C20orf96: variants seen among roughly 807,000 people sequenced by gnomAD.
C20orf96 encodes uncharacterized protein C20orf96.
In C20orf96, 57 loss-of-function variants were observed where a neutral mutation model predicts 52.6. The ratio of observed to expected loss-of-function variants is 1.08; its 90% CI spans 0.88 to 1.35. C20orf96 has a LOEUF of 1.35. C20orf96 is among the 40% of genes most tolerant of loss of function. The probability of loss-of-function intolerance (pLI) is 0.00; values close to 1 mark genes in which losing one functional copy is unlikely to be tolerated. For synonymous variants in C20orf96, 168 were observed against 157.2 expected, an observed-to-expected ratio of 1.07 and a Z score of -0.51; for missense variants, 478 against 443.6, an observed-to-expected ratio of 1.08 and a Z score of -0.70.
chr20:274,955 A>G (rs1276938278), intron 10 of C20orf96, among the ~76,000 whole-genome samples: 6 of 152,092 alleles, frequency 3.9e-5, no homozygotes, highest in Admixed American at 1.3e-4. Flanking sequence ...AGTAGCTGGG[A>G]TTACAGGCAC....
chr20:288,784 A>G (rs2012463050), intron 3 of C20orf96, among the ~76,000 whole-genome samples: 1 of 152,226 alleles, frequency 6.6e-6, no homozygotes, highest in African/African-American at 2.4e-5. Flanking sequence ...AGATGTATAC[A>G]TAAGTATGCT....
chr20:289,196 A>ACCC (rs3051821), intron 3 of C20orf96, among the ~76,000 whole-genome samples: 4,503 of 148,030 alleles, frequency 0.03, 230 homozygotes, highest in African/African-American at 0.11. Flanking sequence ...TCAAATCTGG[A>ACCC]CCCCCCCCAA....
At chr20:281,566 C>T (rs1321494437) in intron 4 of C20orf96, among the ~76,000 whole-genome samples, 1 of 152,236 alleles carries the variant, frequency 6.6e-6, no homozygotes, top group Admixed American at 6.5e-5. Flanking sequence ...AGTAATCATG[C>T]TGATGTGCTG....
chr20:275,864 C>G, intron 10 of C20orf96, 104 bp downstream of exon 10: 1 of 1,084,184 alleles, frequency 9.2e-7, no homozygotes, highest in Non-Finnish European at 1.4e-6. Flanking sequence ...CCTCCCTGTA[C>G]AGGGTTCTGC....
At position 279,213 on chromosome 20, in the gene C20orf96, G is replaced by T; in HGVS notation, c.424C>A (p.Leu142Met). The T allele has an allele frequency of 6.2e-7, 1 of 1,609,194 alleles. No homozygotes were observed. The highest frequency in any genetic ancestry group is 8.5e-7 in the Non-Finnish European group (1 of 1,178,798). Reference protein sequence around the residue: ...TIQEMENSTTLHVRALLQQQD... With the variant: ...TIQEMENSTTMHVRALLQQQD... ...TGCTGCAGCAGGGCCCGCACGTGCA[G>T]GGTCGTGCTGTTCTCCATCTCCTGG... The change falls in exon 5 of 11, where the codon CTG becomes ATG. Residue 142 changes from leucine (L) to methionine (M), a missense_variant. By Grantham distance (15) the Leu-to-Met change is conservative (BLOSUM62 2). Transcript: ENST00000360321.
chr20:278,516 T>C, intron 5 of C20orf96, 87 bp from the exon 6 acceptor site: 1 of 904,838 alleles, frequency 1.1e-6, no homozygotes, highest in Non-Finnish European at 1.9e-6. Flanking sequence ...GAGTCCCCAG[T>C]CCCAACCTCA....
At position 277,157 on chromosome 20, in the gene C20orf96, C is replaced by A; in HGVS notation, c.724-12G>T. The stretch of plus-strand genomic sequence containing the variant: ...TCATCCAGCTCATCCTGGGAGCCAG[C>A]AGAAGGGTGTTGGTCACCAGTCCTG... On this transcript the variant is annotated splice_polypyrimidine_tract_variant and intron_variant, in intron 7 of 10. Transcript: ENST00000360321. 6.2e-7 allele frequency: 1 copy of A among 1,613,728 alleles called. No individual in the cohort carries two copies. Among genetic ancestry groups the A allele is most frequent in the Non-Finnish European group, 8.5e-7 (1 of 1,179,756 alleles).
intron 4 of C20orf96, 27 bp downstream of exon 4, chr20:283,936 A>C (rs1290334044): frequency 1.3e-6 from 2 of 1,482,764 alleles, no homozygotes; most frequent in African/African-American, 2.8e-5. Context: ...TCCTGGGCCC[A>C]GTGTCCAGGG....
intron 5 of C20orf96, 66 bp downstream of exon 5, chr20:279,102 CGGAG>C (rs750445498): frequency 1.2e-3 from 730 of 595,212 alleles, no homozygotes; most frequent in Middle Eastern, 2.7e-3. Flanking sequence ...GACGGAGGGA[CGGAG>C]GGAGGGAGGG....
intron 5 of C20orf96, 54 bp from the exon 6 acceptor site, chr20:278,483 G>A (rs1181039644): frequency 1.6e-5 from 22 of 1,400,816 alleles, no homozygotes; most frequent in African/African-American, 4.3e-5. Flanking sequence ...TCTCAGAGGC[G>A]GCCACCCAGC....
chr20:276,814 T>A lies in C20orf96; in HGVS notation c.891A>T (p.Lys297Asn), dbSNP rs957773345. Residue 297 changes from lysine to asparagine, a missense_variant, in exon 9 of 11, where the codon AAA (lysine) becomes AAT (asparagine). Coordinates refer to ENST00000360321, the MANE Select transcript of C20orf96 (RefSeq NM_153269.3). ...QKMWESQDFL[K>N]CMQRFREIID... Reference sequence around the variant, plus strand: ...GCACTTCTCTGAACCTTTGCATGCATTTCAGGAAGTCCTGGCTTTCCCACA... The same window carrying A: ...GCACTTCTCTGAACCTTTGCATGCAATTCAGGAAGTCCTGGCTTTCCCACA... The A allele has an allele frequency of 6.2e-7, 1 of 1,613,454 alleles. No homozygotes were observed. The highest frequency in any genetic ancestry group is 1.7e-5 in the Admixed American group (1 of 59,968).
chr20:274,078 T>G (rs2011939811), intron 10 of C20orf96, among the ~76,000 whole-genome samples: 1 of 152,038 alleles, frequency 6.6e-6, no homozygotes, highest in South Asian at 2.1e-4. Context: ...AAATGTAGAT[T>G]CATGAGCCCC....
At chr20:286,983 A>G (rs930638178) in intron 3 of C20orf96, among the ~76,000 whole-genome samples, 3 of 152,196 alleles carry the variant, frequency 2.0e-5, no homozygotes, top group Non-Finnish European at 4.4e-5. Context: ...GTTGTTGAAT[A>G]TATCAATAGT....
At chr20:279,586 C>G (rs1204093230) in intron 4 of C20orf96, among the ~76,000 whole-genome samples, 1 of 152,232 alleles carries the variant, frequency 6.6e-6, no homozygotes, top group East Asian at 1.9e-4. Context: ...CAGTTGGTGG[C>G]GTGTCACCAA....
At chr20:277,526 G>A (rs2012071440) in intron 6 of C20orf96, 143 bp from the exon 7 acceptor site, 1 of 793,142 alleles carries the variant, frequency 1.3e-6, no homozygotes, top group East Asian at 2.4e-5. Context: ...GGGCTGGGAG[G>A]TGGTTAAAAG....
intron 10 of C20orf96, among the ~76,000 whole-genome samples, chr20:272,522 A>G (rs1242796982): frequency 6.6e-6 from 1 of 152,060 alleles, no homozygotes; most frequent in Non-Finnish European, 1.5e-5. Context: ...CATCTGGCTA[A>G]TTTTTTAATT....
intron 4 of C20orf96, 102 bp from the exon 5 acceptor site, chr20:279,432 C>T (rs2012190382): frequency 1.6e-6 from 2 of 1,278,028 alleles, no homozygotes; most frequent in Non-Finnish European, 2.0e-6. Context: ...AGACGCCCGC[C>T]CCCGTGCGGC....
At chr20:289,220 A>G (rs1265280172) in intron 3 of C20orf96, among the ~76,000 whole-genome samples, 1 of 148,132 alleles carries the variant, frequency 6.8e-6, no homozygotes, top group African/African-American at 2.5e-5. Context: ...AAATGCCCAC[A>G]TAATTGTCCA....
intron 3 of C20orf96, among the ~76,000 whole-genome samples, chr20:284,812 C>A (rs143788788): frequency 6.6e-6 from 1 of 152,090 alleles, no homozygotes; most frequent in African/African-American, 2.4e-5. Flanking sequence ...GTGCGAGATC[C>A]CGCCACTGCA....
Sources: allele counts gnomAD v4.1 joint callset (sites outside exome capture counted in the v4.1 genomes callset), GRCh38; gene constraint gnomAD v4.1.1; transcripts MANE v1.5; gene names NCBI Gene and HGNC (gene_info 2026-07-23, HGNC 2026-07-21).